ZNF804B: variants seen among roughly 807,000 people sequenced by gnomAD.
ZNF804B encodes the protein zinc finger 804B.
Under a neutral mutation model 101.4 loss-of-function variants are expected in ZNF804B, and 80 were observed. The ratio of observed to expected loss-of-function variants is 0.79; its 90% CI spans 0.66 to 0.95. ZNF804B has a LOEUF of 0.95. Among genes scored for constraint, ZNF804B ranks in the 40% least tolerant of loss-of-function variants. The pLI is 0.00. For missense variants in ZNF804B, 1,673 were observed against 1,561.9 expected (o/e 1.07, Z -1.20); for synonymous variants, 622 against 558.8 (o/e 1.11, Z -1.59).
At chr7:89,136,772 C>T (rs61377380) in intron 1 of ZNF804B, among the ~76,000 whole-genome samples, 2,140 of 149,776 alleles carry the variant, frequency 0.014, 58 homozygotes, top group African/African-American at 0.05. Flanking sequence ...TGTGCGCGCA[C>T]GTGTGTGATG....
chr7:89,163,555 G>C (rs1287936537), intron 1 of ZNF804B, among the ~76,000 whole-genome samples: 3 of 151,888 alleles, frequency 2.0e-5, no homozygotes, highest in Non-Finnish European at 4.4e-5. Flanking sequence ...ATTTCATTTA[G>C]TGTTATCTTT....
chr7:89,275,631 C>T (rs1584098169), intron 2 of ZNF804B, among the ~76,000 whole-genome samples: 1 of 151,908 alleles, frequency 6.6e-6, no homozygotes, highest in African/African-American at 2.4e-5. Context: ...TGATCCAATT[C>T]CATCTTTCTT....
intron 2 of ZNF804B, among the ~76,000 whole-genome samples, chr7:89,304,380 T>C (rs76083843): frequency 0.03 from 4,545 of 152,110 alleles, 82 homozygotes; most frequent in African/African-American, 0.047. Flanking sequence ...CTCTCCCCTA[T>C]TTCAATAGTC....
chr7:88,831,218 A>G (rs1038807180), intron 1 of ZNF804B, among the ~76,000 whole-genome samples: 42 of 151,922 alleles, frequency 2.8e-4, no homozygotes, highest in African/African-American at 9.2e-4. Context: ...AGCAGTCACT[A>G]TTTCCTTCCC....
chr7:88,793,435 GT>G (rs994262083), intron 1 of ZNF804B, among the ~76,000 whole-genome samples: 1 of 152,070 alleles, frequency 6.6e-6, no homozygotes, highest in Non-Finnish European at 1.5e-5. Flanking sequence ...ATAGAGGGAT[GT>G]TCAATAAATG....
chr7:88,826,219 A>G (rs891745942), intron 1 of ZNF804B, among the ~76,000 whole-genome samples: 2 of 152,214 alleles, frequency 1.3e-5, no homozygotes, highest in African/African-American at 4.8e-5. Context: ...ATGTTCTACA[A>G]CTGATGTTAT....
At chr7:89,140,193 A>G (rs1790694976) in intron 1 of ZNF804B, among the ~76,000 whole-genome samples, 1 of 152,018 alleles carries the variant, frequency 6.6e-6, no homozygotes, top group Non-Finnish European at 1.5e-5. Flanking sequence ...GACTTAAAAT[A>G]TATAAAACCA....
intron 1 of ZNF804B, among the ~76,000 whole-genome samples, chr7:89,075,223 A>G (rs549042213): frequency 1.3e-5 from 2 of 152,204 alleles, no homozygotes; most frequent in East Asian, 3.9e-4. Context: ...TCCCCAAGAC[A>G]GTGAAGAAAA....
intron 1 of ZNF804B, among the ~76,000 whole-genome samples, chr7:89,053,679 A>G (rs1789243618): frequency 6.7e-6 from 1 of 148,766 alleles, no homozygotes; most frequent in South Asian, 2.1e-4. Context: ...TCCTTCCTTC[A>G]TTTTTTCCTT....
intron 1 of ZNF804B, among the ~76,000 whole-genome samples, chr7:88,856,960 C>T (rs1020857454): frequency 7.2e-5 from 11 of 152,222 alleles, no homozygotes; most frequent in African/African-American, 2.6e-4. Flanking sequence ...ATGAAGCCCA[C>T]TTGATCATGG....
chr7:89,155,654 C>T (rs1305568661), intron 1 of ZNF804B, among the ~76,000 whole-genome samples: 1 of 152,174 alleles, frequency 6.6e-6, no homozygotes, highest in Non-Finnish European at 1.5e-5. Context: ...GCCTTCCTTT[C>T]ACTCTGTCCC....
chr7:89,057,739 G>A (rs901314196), intron 1 of ZNF804B, among the ~76,000 whole-genome samples: 1 of 152,020 alleles, frequency 6.6e-6, no homozygotes, highest in Non-Finnish European at 1.5e-5. Flanking sequence ...TGGGGTTAGA[G>A]TAGAAGCAAG....
intron 1 of ZNF804B, among the ~76,000 whole-genome samples, chr7:88,939,767 TAAAAA>T (rs956798325): frequency 7.2e-6 from 1 of 138,982 alleles, no homozygotes; most frequent in Non-Finnish European, 1.6e-5. Flanking sequence ...AGTGATCTAA[TAAAAA>T]AAAAAAGCTT....
chr7:88,866,460 C>A (rs1791728796), intron 1 of ZNF804B, among the ~76,000 whole-genome samples: 1 of 152,078 alleles, frequency 6.6e-6, no homozygotes, highest in South Asian at 2.1e-4. Flanking sequence ...CATTCAGCTG[C>A]AATATGAGTA....
At chr7:88,889,479 A>G (rs1792184058) in intron 1 of ZNF804B, among the ~76,000 whole-genome samples, 1 of 152,148 alleles carries the variant, frequency 6.6e-6, no homozygotes, top group Non-Finnish European at 1.5e-5. Flanking sequence ...TGCCATTCTG[A>G]CTAGCATGAG....
chr7:88,771,980 G>T (rs1214360892), intron 1 of ZNF804B, among the ~76,000 whole-genome samples: 8 of 152,092 alleles, frequency 5.3e-5, no homozygotes. Context: ...TACAAAAGTT[G>T]TTATACTTCC....
intron 1 of ZNF804B, among the ~76,000 whole-genome samples, chr7:88,919,398 TG>T (rs1173490493): frequency 6.6e-6 from 1 of 152,108 alleles, no homozygotes; most frequent in Non-Finnish European, 1.5e-5. Context: ...CAGAAAAGGA[TG>T]TTGTATTCTC....
chr7:89,285,587 G>T (rs1043807421), intron 2 of ZNF804B, among the ~76,000 whole-genome samples: 4 of 122,874 alleles, frequency 3.3e-5, no homozygotes, highest in Admixed American at 1.6e-4. Flanking sequence ...AAAATAAAAT[G>T]ATTATTGAAG....
chr7:89,199,340 G>T (rs1213317783), intron 1 of ZNF804B, among the ~76,000 whole-genome samples: 1 of 151,526 alleles, frequency 6.6e-6, no homozygotes, highest in African/African-American at 2.4e-5. Context: ...ACTCTAACCT[G>T]CCAATTTTTA....
Sources: allele counts gnomAD v4.1 joint callset (sites outside exome capture counted in the v4.1 genomes callset), GRCh38; gene constraint gnomAD v4.1.1; transcripts MANE v1.5; gene names NCBI Gene and HGNC (gene_info 2026-07-23, HGNC 2026-07-21).